WDR7: variants seen among roughly 807,000 people sequenced by gnomAD.
The protein encoded by WDR7 is WD repeat-containing protein 7.
In WDR7, 46 loss-of-function variants were observed where a neutral mutation model predicts 169.4. The observed-to-expected ratio is 0.27, with a 90% CI of 0.21 to 0.35. WDR7 has a LOEUF of 0.35. Ranked by LOEUF, WDR7 falls within the 10% of genes least tolerant of loss-of-function variation. WDR7 has a pLI of 1.00. For missense variants in WDR7, 1,534 were observed against 1,859.3 expected (o/e 0.83, Z 3.22); for synonymous variants, 612 against 666.8 (o/e 0.92, Z 1.27).
intron 26 of WDR7, among the ~76,000 whole-genome samples, chr18:56,975,430 T>A (rs1420458174): frequency 6.6e-6 from 1 of 151,184 alleles, no homozygotes; most frequent in African/African-American, 2.4e-5. Flanking sequence ...TGCAAAGGAG[T>A]GTGAAAGTGT....
chr18:56,792,207 G>A (rs942877415), intron 19 of WDR7, among the ~76,000 whole-genome samples: 1 of 152,044 alleles, frequency 6.6e-6, no homozygotes, highest in African/African-American at 2.4e-5. Context: ...TCTTTCGTAA[G>A]GGGTCTTCCT....
chr18:56,882,123 C>T (rs2046117500), intron 21 of WDR7, among the ~76,000 whole-genome samples: 1 of 152,164 alleles, frequency 6.6e-6, no homozygotes, highest in Non-Finnish European at 1.5e-5. Flanking sequence ...GCTTATTTAT[C>T]TTTTCTCAAG....
intron 20 of WDR7, among the ~76,000 whole-genome samples, chr18:56,859,989 G>T (rs1229392090): frequency 6.6e-6 from 1 of 152,254 alleles, no homozygotes; most frequent in East Asian, 1.9e-4. Flanking sequence ...GATATTTTGA[G>T]AATATAAATG....
intron 14 of WDR7, among the ~76,000 whole-genome samples, chr18:56,737,139 G>A (rs368596508): frequency 1.3e-5 from 2 of 152,046 alleles, no homozygotes; most frequent in South Asian, 4.1e-4. Context: ...ACACCACCCA[G>A]CATAAGCAGT....
At chr18:56,879,557 C>T (rs1450687267) in intron 20 of WDR7, among the ~76,000 whole-genome samples, 1 of 152,038 alleles carries the variant, frequency 6.6e-6, no homozygotes, top group Non-Finnish European at 1.5e-5. Flanking sequence ...TTTCTTGATT[C>T]TGTCTTTTCA....
chr18:56,776,847 C>T lies in WDR7; in HGVS notation c.2914C>T (p.Pro972Ser). The T allele has an allele frequency of 1.2e-6, 2 of 1,614,024 alleles. No homozygotes were observed. The highest frequency in any genetic ancestry group is 2.2e-5 in the South Asian group (2 of 91,080). Residue 972 changes from proline to serine, a missense_variant, in exon 17 of 28, where the codon CCT becomes TCT. Pro to Ser is a moderately conservative substitution (Grantham distance 74, BLOSUM62 -1). Transcript: ENST00000254442. ...CTCTGGCTCTGACCCTCCTTCTGCT[C>T]CTGCTTTACATACCTGTTTCTTAGT... ...DHSGSDPPSA[P>S]ALHTCFLVNE...
At chr18:56,990,301 G>A (rs956345013) in intron 26 of WDR7, among the ~76,000 whole-genome samples, 4 of 152,202 alleles carry the variant, frequency 2.6e-5, no homozygotes, top group African/African-American at 9.7e-5. Flanking sequence ...TTGCCTAGCA[G>A]GAAAGGAACT....
chr18:56,970,433 AT>A (rs993939722), intron 26 of WDR7, among the ~76,000 whole-genome samples: 2 of 152,182 alleles, frequency 1.3e-5, no homozygotes, highest in Admixed American at 6.5e-5. Flanking sequence ...ATTTAAAAAA[AT>A]GTATTATAAA....
intron 20 of WDR7, among the ~76,000 whole-genome samples, chr18:56,843,754 T>G (rs1030619776): frequency 3.3e-5 from 5 of 152,220 alleles, no homozygotes; most frequent in African/African-American, 1.2e-4. Context: ...ACTGTCATAC[T>G]GTTTTCTACA....
intron 20 of WDR7, among the ~76,000 whole-genome samples, chr18:56,832,495 G>A (rs530839190): frequency 6.6e-6 from 1 of 152,304 alleles, no homozygotes; most frequent in East Asian, 1.9e-4. Flanking sequence ...TCTGCTAAGG[G>A]ACAGACTGCC....
At chr18:56,930,444 A>C (rs947503711) in intron 22 of WDR7, among the ~76,000 whole-genome samples, 2 of 151,616 alleles carry the variant, frequency 1.3e-5, no homozygotes, top group Admixed American at 6.6e-5. Flanking sequence ...TTATAATCTG[A>C]GGAAGCCATA....
intron 20 of WDR7, among the ~76,000 whole-genome samples, chr18:56,862,436 T>C (rs2045820409): frequency 6.6e-6 from 1 of 151,542 alleles, no homozygotes; most frequent in African/African-American, 2.4e-5. Context: ...AAATTCAACA[T>C]AGCATACTCA....
chr18:56,662,215 G>A (rs2024919119), intron 1 of WDR7, among the ~76,000 whole-genome samples: 1 of 152,324 alleles, frequency 6.6e-6, no homozygotes, highest in African/African-American at 2.4e-5. Flanking sequence ...GAAGTACATA[G>A]ACTGAGAACA....
At chr18:57,032,834 T>TATATATAC (rs2048449791), downstream of WDR7, 1 of 98,552 alleles carries the variant, frequency 1.0e-5, no homozygotes, top group Non-Finnish European at 1.9e-5. Flanking sequence ...TATATATATA[T>TATATATAC]ATATATATAT....
intron 14 of WDR7, among the ~76,000 whole-genome samples, chr18:56,740,814 T>C (rs2043609542): frequency 6.6e-6 from 1 of 152,178 alleles, no homozygotes; most frequent in South Asian, 2.1e-4. Context: ...CCACACAGCT[T>C]CAGTATTTGG....
chr18:57,011,269 A>C (rs780620858), intron 26 of WDR7, among the ~76,000 whole-genome samples: 1 of 152,202 alleles, frequency 6.6e-6, no homozygotes, highest in Non-Finnish European at 1.5e-5. Context: ...GTAGGTAGTG[A>C]AAAGCTCTTT....
intron 27 of WDR7, among the ~76,000 whole-genome samples, chr18:57,026,148 C>T (rs151056435): frequency 8.9e-4 from 135 of 152,320 alleles, no homozygotes; most frequent in African/African-American, 3.1e-3. Context: ...GCTTAGGAAA[C>T]AGTTCACTTA....
intron 20 of WDR7, among the ~76,000 whole-genome samples, chr18:56,818,416 A>G (rs2045022438): frequency 6.6e-6 from 1 of 152,266 alleles, no homozygotes; most frequent in African/African-American, 2.4e-5. Flanking sequence ...TATTAATGCT[A>G]CATACACTAT....
intron 22 of WDR7, among the ~76,000 whole-genome samples, chr18:56,924,992 G>T (rs1272914347): frequency 6.6e-6 from 1 of 152,094 alleles, no homozygotes; most frequent in South Asian, 2.1e-4. Flanking sequence ...CTGTGAATTT[G>T]CCTATTCTGC....
Sources: gnomAD v4.1 joint callset for allele counts (sites outside exome capture counted in the v4.1 genomes callset) on GRCh38, gnomAD v4.1.1 for gene constraint, MANE v1.5 for transcripts, NCBI Gene and HGNC (gene_info 2026-07-23, HGNC 2026-07-21) for gene names.